The following SEL1L3 variants were observed in gnomAD, a reference collection of about 807,000 sequenced individuals.
SEL1L3 encodes the protein protein sel-1 homolog 3.
Under a neutral mutation model 142.8 loss-of-function variants are expected in SEL1L3, and 76 were observed. The observed-to-expected ratio is 0.53, with a 90% CI of 0.44 to 0.64. The LOEUF is 0.64. SEL1L3 is among the 30% of genes least tolerant of loss of function. The pLI is 0.00. For missense variants in SEL1L3, 1,262 were observed against 1,381.7 expected (o/e 0.91, Z 1.37); for synonymous variants, 504 against 519.6 (o/e 0.97, Z 0.41).
chr4:25,862,796 T>G lies in SEL1L3; in HGVS notation c.41A>C (p.Gln14Pro). The change falls in exon 1 of 24, where the codon CAG becomes CCG. Residue 14 changes from glutamine to proline, a missense_variant. By Grantham distance (76) the Gln-to-Pro change is moderately conservative. Around this residue, in one of 3 missense-constraint regions of SEL1L3, gnomAD observed 689 missense variants for 692.8 expected, o/e 0.99. Transcript: ENST00000399878. ...RGAGLGWPRQ[Q>P]QQQPPPLAVG... Reference sequence around the variant, plus strand: ...CGCGAGCGGCGGGGGTTGCTGCTGCTGCTGCCGCGGCCACCCGAGCCCCGC... The same window carrying G: ...CGCGAGCGGCGGGGGTTGCTGCTGCGGCTGCCGCGGCCACCCGAGCCCCGC... 8.5e-7 allele frequency: 1 copy of G among 1,177,066 alleles called. No homozygotes were observed. Among genetic ancestry groups the G allele is most frequent in the Non-Finnish European group, 1.0e-6 (1 of 953,844 alleles). The allele number at this position is 1,177,066 out of a possible 1,614,324, so 72.9% of individuals were successfully genotyped here. A position where few individuals can be genotyped will look rare whatever the true frequency, so the allele number is the denominator to read the frequency against.
Position 25,788,994 on chromosome 4 carries a change from A to G in SEL1L3, c.2077-630T>C, listed in dbSNP as rs1712075891. ...GAAGTGCCTATGGTTAGAAAAGTTA[A>G]TGCAAGCTCTGGCACACCCAGGAAA... On this transcript the variant is annotated intron_variant, in intron 12 of 23. Transcript: ENST00000399878. The surrounding 1 kb of genome is among the most constrained non-coding windows in gnomAD (Gnocchi z 5.3). Among the ~76,000 whole-genome samples the G allele has an allele frequency of 6.6e-6, 1 of 152,170 alleles. No homozygotes were observed. The highest frequency in any genetic ancestry group is 1.5e-5 in the Non-Finnish European group (1 of 68,022).
intron 20 of SEL1L3, among the ~76,000 whole-genome samples, chr4:25,762,395 G>C (rs184582124): frequency 3.9e-5 from 6 of 152,342 alleles, no homozygotes; most frequent in Admixed American, 1.3e-4. Flanking sequence ...CCACCTCCAA[G>C]TCTTCCTTGG....
chr4:25,801,705 G>C (rs1713194392), intron 11 of SEL1L3, among the ~76,000 whole-genome samples: 1 of 152,144 alleles, frequency 6.6e-6, no homozygotes, highest in Non-Finnish European at 1.5e-5. Context: ...ATCTGGGATA[G>C]GGTGGAGTCT....
At chr4:25,810,671 G>A (rs1313730535) in intron 9 of SEL1L3, among the ~76,000 whole-genome samples, 2 of 152,272 alleles carry the variant, frequency 1.3e-5, no homozygotes, top group Admixed American at 1.3e-4. Context: ...ACCAATCAGA[G>A]TCCCCTCTTC....
At chr4:25,830,046 T>C (rs1715335298) in intron 6 of SEL1L3, 52 bp downstream of exon 6, 2 of 1,152,156 alleles carry the variant, frequency 1.7e-6, no homozygotes, top group Non-Finnish European at 2.6e-6. Context: ...GTATGAAGAT[T>C]CCTTAACTCG....
At chr4:25,757,946 T>C in intron 21 of SEL1L3, 156 bp from the exon 22 acceptor site, 1 of 627,152 alleles carries the variant, frequency 1.6e-6, no homozygotes, top group South Asian at 2.0e-5. Flanking sequence ...ATAAAGCCAG[T>C]GGCCAAATAA....
chr4:25,784,024 T>C (rs918335208), intron 14 of SEL1L3, among the ~76,000 whole-genome samples: 2 of 152,186 alleles, frequency 1.3e-5, no homozygotes, highest in African/African-American at 4.8e-5. Context: ...GCTGCCCCCA[T>C]TGTGGCAAGT....
chr4:25,773,804 T>C (rs1254469567), intron 17 of SEL1L3, among the ~76,000 whole-genome samples: 2 of 152,192 alleles, frequency 1.3e-5, no homozygotes, highest in African/African-American at 4.8e-5. Flanking sequence ...TAGTATTTTG[T>C]AGACTCTCTT....
chr4:25,755,524 C>T (rs1717898113), intron 23 of SEL1L3, among the ~76,000 whole-genome samples: 1 of 152,020 alleles, frequency 6.6e-6, no homozygotes, highest in Admixed American at 6.6e-5. Flanking sequence ...CAGACATAGC[C>T]TTCTTTAGGC....
intron 4 of SEL1L3, 110 bp from the exon 5 acceptor site, chr4:25,833,220 A>G: frequency 2.7e-6 from 2 of 743,984 alleles, no homozygotes; most frequent in Admixed American, 2.5e-5. Flanking sequence ...CTCCACGAAA[A>G]CAAAGCAAAA....
At chr4:25,787,935 C>T (rs995941893) in intron 13 of SEL1L3, among the ~76,000 whole-genome samples, 20 of 152,316 alleles carry the variant, frequency 1.3e-4, no homozygotes, top group Non-Finnish European at 2.5e-4. Context: ...TGGGGGCTGG[C>T]GGCTGAGCGC....
intron 1 of SEL1L3, among the ~76,000 whole-genome samples, chr4:25,853,664 C>CTTTT (rs34922528): frequency 7.0e-4 from 58 of 83,026 alleles, no homozygotes; most frequent in African/African-American, 8.4e-4. Context: ...CTCTTCTTAC[C>CTTTT]TTTTTTTTTT....
intron 23 of SEL1L3, among the ~76,000 whole-genome samples, chr4:25,750,520 C>G (rs1164859865): frequency 6.6e-6 from 1 of 152,128 alleles, no homozygotes; most frequent in Non-Finnish European, 1.5e-5. Flanking sequence ...GGGGAAAACC[C>G]TAGAAATTGT....
chr4:25,847,797 C>G lies in SEL1L3; in HGVS notation c.230G>C (p.Ser77Thr), dbSNP rs779642609. The G allele has an allele frequency of 5.6e-6, 9 of 1,612,728 alleles. No individual in the cohort carries two copies. Among genetic ancestry groups the G allele is most frequent in the Non-Finnish European group, 6.8e-6 (8 of 1,179,402 alleles). The change falls in exon 2 of 24, where the codon AGC becomes ACC. Residue 77 changes from serine to threonine, a missense_variant. Coordinates refer to ENST00000399878, the MANE Select transcript of SEL1L3 (RefSeq NM_015187.5). Reference sequence around the variant, plus strand: ...ATAAATAAAGTCTTTGTAAGCCACGCTCTGCTCAGCTTTGGGTATCACTGA... The same window carrying G: ...ATAAATAAAGTCTTTGTAAGCCACGGTCTGCTCAGCTTTGGGTATCACTGA... ...TTSVIPKAEQ[S>T]VAYKDFIYFT...
chr4:25,756,717 T>G, intron 23 of SEL1L3: 1 of 1,106,574 alleles, frequency 9.0e-7, no homozygotes, highest in Non-Finnish European at 1.1e-6. Context: ...GTGGAAACCA[T>G]GCTCAGCTAA....
chr4:25,725,344 C>T, the SEL1L3 span, among the ~76,000 whole-genome samples: 9 of 142,602 alleles, frequency 6.3e-5, no homozygotes, highest in African/African-American at 2.2e-4. Flanking sequence ...GAGACGGTGT[C>T]TCACTCTGTT....
At chr4:25,842,217 T>C (rs1270873431) in intron 2 of SEL1L3, among the ~76,000 whole-genome samples, 3 of 151,660 alleles carry the variant, frequency 2.0e-5, no homozygotes, top group Admixed American at 1.3e-4. Context: ...GGCCAGCATT[T>C]ATGAAGTTAA....
the SEL1L3 span, among the ~76,000 whole-genome samples, chr4:25,715,225 C>A: frequency 6.6e-6 from 1 of 152,158 alleles, no homozygotes; most frequent in Non-Finnish European, 1.5e-5. Flanking sequence ...GGCATGGTGG[C>A]TCACACCTGT....
At chr4:25,839,243 C>G (rs1010503762) in intron 2 of SEL1L3, among the ~76,000 whole-genome samples, 1 of 152,204 alleles carries the variant, frequency 6.6e-6, no homozygotes, top group Admixed American at 6.5e-5. Flanking sequence ...TAGGTCAGAA[C>G]TTCCTCCAGA....
Sources: allele counts gnomAD v4.1 joint callset (sites outside exome capture counted in the v4.1 genomes callset), GRCh38; gene constraint gnomAD v4.1.1; regional missense constraint gnomAD v4.1.1; non-coding constraint Gnocchi (gnomAD v3.1); transcripts MANE v1.5; gene names NCBI Gene and HGNC (gene_info 2026-07-23, HGNC 2026-07-21).